Variants in TPO observed in about 807,000 individuals in gnomAD.
TPO encodes thyroid peroxidase, also known as thyroid microsomal antigen.
A neutral mutation model predicts 96.9 loss-of-function variants in TPO; 78 were observed. The observed-to-expected ratio is 0.81, with a 90% confidence interval of 0.67 to 0.97. The LOEUF (loss-of-function observed/expected upper bound fraction) is 0.97. Among genes scored for constraint, TPO ranks in the 50% least tolerant of loss-of-function variants. The probability of loss-of-function intolerance (pLI) is 0.00; values close to 1 mark genes in which losing one functional copy is unlikely to be tolerated. For missense variants in TPO, 1,252 were observed against 1,274.8 expected, an observed-to-expected ratio of 0.98 and a Z score of 0.27; for synonymous variants, 547 against 538.0, an observed-to-expected ratio of 1.02 and a Z score of -0.23.
At chr2:1,531,385 T>A (rs1678196080) in intron 15 of TPO, among the ~76,000 whole-genome samples, 1 of 40,572 alleles carries the variant, frequency 2.5e-5, no homozygotes, top group Admixed American at 2.6e-4. Flanking sequence ...CTGTGCAACC[T>A]CCCAAAATTG....
At chr2:1,539,998 T>C (rs751018025) in intron 15 of TPO, among the ~76,000 whole-genome samples, 15 of 152,204 alleles carry the variant, frequency 9.9e-5, no homozygotes, top group Non-Finnish European at 1.8e-4. Flanking sequence ...GTATTTGTGA[T>C]GTATTTCCGG....
chr2:1,535,507 G>A (rs1573640885), intron 15 of TPO, among the ~76,000 whole-genome samples: 1 of 24,538 alleles, frequency 4.1e-5, no homozygotes. Flanking sequence ...CCCTCCCACT[G>A]GGTGCAACCT....
intron 15 of TPO, among the ~76,000 whole-genome samples, chr2:1,528,588 A>G (rs1160819878): frequency 5.1e-5 from 7 of 137,830 alleles, no homozygotes; most frequent in Non-Finnish European, 7.6e-5. Flanking sequence ...ACTCTGTGCA[A>G]CCGCCCCAAA....
chr2:1,457,278 T>G (rs1573266144), intron 7 of TPO, among the ~76,000 whole-genome samples: 1 of 59,390 alleles, frequency 1.7e-5, no homozygotes, highest in African/African-American at 7.1e-5. Flanking sequence ...GCATGTATGA[T>G]AGTGTGGGCA....
At chr2:1,378,857 T>C (rs1417140354) in intron 1 of TPO, among the ~76,000 whole-genome samples, 1 of 152,040 alleles carries the variant, frequency 6.6e-6, no homozygotes, top group Non-Finnish European at 1.5e-5. Flanking sequence ...CTGATTGGAT[T>C]CTGCCTCCCC....
intron 13 of TPO, among the ~76,000 whole-genome samples, chr2:1,501,501 G>T (rs1021340053): frequency 6.6e-6 from 1 of 152,252 alleles, no homozygotes; most frequent in Non-Finnish European, 1.5e-5. Context: ...GAAACTGACC[G>T]TGGGTGGAGC....
chr2:1,484,734 G>C lies in TPO; in HGVS notation c.1477G>C (p.Gly493Arg). The change falls in exon 9 of 17, where the codon GGC (glycine) becomes CGC (arginine). Residue 493 changes from glycine (G) to arginine (R), a missense_variant. Physicochemically the swap from Gly to Arg is moderately radical, Grantham distance 125 (BLOSUM62 -2). Transcript: ENST00000329066. ...GTTCTCCACAGCCGCCTTCCGCTTCGGCCATGCCACGATCCACCCGCTGGT... is the reference window on the plus strand; with the variant it reads ...GTTCTCCACAGCCGCCTTCCGCTTCCGCCATGCCACGATCCACCCGCTGGT... ...NVFSTAAFRF[G>R]HATIHPLVRR... is the part of the protein sequence containing the mutation. 1 of 1,614,018 alleles carries C rather than the reference G, an allele frequency of 6.2e-7. No homozygotes were observed. The highest frequency in any genetic ancestry group is 1.1e-5 in the South Asian group (1 of 91,070).
chr2:1,415,090 G>A (rs954158726), intron 2 of TPO, among the ~76,000 whole-genome samples: 23 of 150,152 alleles, frequency 1.5e-4, no homozygotes, highest in East Asian at 5.9e-4. Flanking sequence ...ACACAGTCCC[G>A]GGGCCCCTGG....
chr2:1,438,854 A>G (rs745836487), intron 5 of TPO: 26 of 717,758 alleles, frequency 3.6e-5, no homozygotes, highest in Non-Finnish European at 6.2e-5. Context: ...GAAACTGCCA[A>G]CTAACCTGTT....
chr2:1,527,541 C>T (rs1332043872), intron 15 of TPO, among the ~76,000 whole-genome samples: 1 of 149,244 alleles, frequency 6.7e-6, no homozygotes, highest in Non-Finnish European at 1.5e-5. Context: ...TAAATCCCTC[C>T]AACTGTGTTC....
chr2:1,382,062 A>G (rs547886265), intron 1 of TPO, among the ~76,000 whole-genome samples: 3 of 152,252 alleles, frequency 2.0e-5, no homozygotes, highest in Admixed American at 6.5e-5. Context: ...CCTGCAGTCT[A>G]TCTTTTGACC....
At chr2:1,433,311 G>A (rs191604574) in intron 3 of TPO, 127 bp from the exon 4 acceptor site, 52 of 1,212,778 alleles carry the variant, frequency 4.3e-5, no homozygotes, top group East Asian at 3.3e-4. Context: ...TGCACACCCC[G>A]CAGTGCCTGT....
At chr2:1,460,166 A>C (rs6588676) in intron 7 of TPO, among the ~76,000 whole-genome samples, 141,309 of 152,086 alleles carry the variant, frequency 0.93, 65,724 homozygotes, top group South Asian at 0.98. Context: ...AAACTCCTGA[A>C]CTCAAGTGAT....
At chr2:1,512,563 A>G (rs1476400447) in intron 14 of TPO, 1 of 872,226 alleles carries the variant, frequency 1.1e-6, no homozygotes, top group South Asian at 5.2e-5. Context: ...CTGGCTGCCG[A>G]ACCTGAAGTC....
chr2:1,542,594 T>A lies in TPO; in HGVS notation c.*120T>A. The A allele has an allele frequency of 6.4e-7, 1 of 1,559,666 alleles. No individual in the cohort carries two copies. Among genetic ancestry groups the A allele is most frequent in the Non-Finnish European group, 8.7e-7 (1 of 1,150,922 alleles). On this transcript the variant is annotated 3_prime_UTR_variant, in exon 17 of 17. Transcript: ENST00000329066. ...CGACTGTTTTCCCAACACGGGTAAA[T>A]CTAGTACCATGTCGTAGTTACTCTC...
chr2:1,539,628 C>T (rs1287562813), intron 15 of TPO, among the ~76,000 whole-genome samples: 2 of 152,104 alleles, frequency 1.3e-5, no homozygotes, highest in African/African-American at 2.4e-5. Flanking sequence ...ATGCGGAGGG[C>T]GCTGTGGTGC....
rs1179503892 is a variant in TPO at position 1,421,728 on chromosome 2, G to A, written c.95-1317G>A. ...GAACAGGAGGTTCCCTGATTCTTGA[G>A]AGCTGAAAGAAATCTCCATAAAGCC... is the stretch of plus-strand genomic sequence containing the variant. On this transcript the variant is annotated intron_variant, in intron 2 of 16. Coordinates refer to ENST00000329066, the MANE Select transcript of TPO (RefSeq NM_001206744.2). Among the ~76,000 whole-genome samples the A allele has an allele frequency of 2.0e-5, 3 of 152,308 alleles. No homozygotes were observed. In the East Asian group the frequency reaches 5.8e-4, roughly 29 times the overall value.
chr2:1,505,459 C>G lies in TPO; in HGVS notation c.2518+1380C>G, dbSNP rs1252732052. ...CCACCCCCATGTCAGGTGCACCCCTCTTCCTGTGTCAGGCGCATCCCCCCC... is the reference window on the plus strand; with the variant it reads ...CCACCCCCATGTCAGGTGCACCCCTGTTCCTGTGTCAGGCGCATCCCCCCC... On this transcript the variant is annotated intron_variant, in intron 14 of 16. Coordinates refer to ENST00000329066, the MANE Select transcript of TPO (RefSeq NM_001206744.2). Among the ~76,000 whole-genome samples, 15 of 133,394 alleles carry G rather than the reference C, an allele frequency of 1.1e-4. 1 individual carries two copies. The highest frequency in any genetic ancestry group is 1.8e-4 in the Non-Finnish European group (11 of 62,830). 87.5% of individuals were successfully genotyped at this position (133,394 alleles called of 152,430 possible). A position where few individuals can be genotyped will look rare whatever the true frequency, so the allele number is the denominator to read the frequency against.
At chr2:1,503,783 G>A (rs747301567) in intron 13 of TPO, 165 bp from the exon 14 acceptor site, 35 of 1,290,724 alleles carry the variant, frequency 2.7e-5, no homozygotes, top group East Asian at 5.0e-5. Flanking sequence ...TCACCTTTTC[G>A]GATGTGCCGG....
Sources: gnomAD v4.1 joint callset for allele counts (sites outside exome capture counted in the v4.1 genomes callset) on GRCh38, gnomAD v4.1.1 for gene constraint, MANE v1.5 for transcripts, NCBI Gene and HGNC (gene_info 2026-07-23, HGNC 2026-07-21) for gene names.